ZCWPW2: variants seen among roughly 807,000 people sequenced by gnomAD.
The protein encoded by ZCWPW2 is zinc finger CW-type and PWWP domain containing 2, also known as zinc finger CW-type PWWP domain protein 2.
A neutral mutation model predicts 46.6 loss-of-function variants in ZCWPW2; 45 were observed. The observed-to-expected ratio is 0.96, with a 90% CI of 0.76 to 1.24. The LOEUF is 1.24. ZCWPW2 is among the 50% of genes most tolerant of loss of function. ZCWPW2 has a pLI of 0.00. For synonymous variants in ZCWPW2, 152 were observed against 137.1 expected (o/e 1.11, Z -0.76); for missense variants, 429 against 403.9 (o/e 1.06, Z -0.53).
chr3:28,412,321 T>C (rs908456624), intron 2 of ZCWPW2, among the ~76,000 whole-genome samples: 1 of 151,890 alleles, frequency 6.6e-6, no homozygotes, highest in Non-Finnish European at 1.5e-5. Context: ...ACAAAAAAGC[T>C]CTGAGAAATT....
chr3:28,523,575 T>A (rs1700777987), intron 9 of ZCWPW2, among the ~76,000 whole-genome samples: 1 of 152,130 alleles, frequency 6.6e-6, no homozygotes, highest in African/African-American at 2.4e-5. Context: ...GAGCAGATAT[T>A]GTATAAGCTG....
Position 28,470,120 on chromosome 3 carries a change from G to T in ZCWPW2, c.493-8694G>T, listed in dbSNP as rs188808586. On this transcript the variant is annotated intron_variant, in intron 4 of 9. Transcript: ENST00000383768. ...CAATAAAACTAGAAATAAATAACAA[G>T]AAGAGTTTTGGAAACTATATAAACA... Among the ~76,000 whole-genome samples, 382 of 152,236 alleles carry T rather than the reference G, an allele frequency of 2.5e-3. 1 individual carries two copies. Among genetic ancestry groups the T allele is most frequent in the Admixed American group, 4.3e-3 (65 of 15,292 alleles).
chr3:28,487,609 G>A (rs1699648794), intron 5 of ZCWPW2, among the ~76,000 whole-genome samples: 1 of 152,006 alleles, frequency 6.6e-6, no homozygotes. Context: ...TCTTGATCTG[G>A]TCCTGCTGCT....
intron 1 of ZCWPW2, among the ~76,000 whole-genome samples, chr3:28,352,126 GCA>G (rs111383620): frequency 0.054 from 6,965 of 129,546 alleles, 256 homozygotes; most frequent in African/African-American, 0.12. Context: ...TCAGATGTAT[GCA>G]CACACACACA....
At chr3:28,389,616 G>C (rs1252951830) in intron 1 of ZCWPW2, among the ~76,000 whole-genome samples, 2 of 152,122 alleles carry the variant, frequency 1.3e-5, no homozygotes. Flanking sequence ...ACCAATTTAG[G>C]AAACGCATCC....
intron 2 of ZCWPW2, among the ~76,000 whole-genome samples, chr3:28,411,495 C>CA (rs1204909503): frequency 6.6e-6 from 1 of 151,946 alleles, no homozygotes; most frequent in African/African-American, 2.4e-5. Context: ...ATCATGGCTT[C>CA]TAGTCAATGT....
At chr3:28,367,340 T>C (rs202161516) in intron 1 of ZCWPW2, among the ~76,000 whole-genome samples, 3 of 152,236 alleles carry the variant, frequency 2.0e-5, no homozygotes, top group South Asian at 2.1e-4. Context: ...TTCTGGTATG[T>C]TGTGTCTTTG....
At chr3:28,396,310 A>T (rs974026849) in intron 2 of ZCWPW2, among the ~76,000 whole-genome samples, 1 of 152,196 alleles carries the variant, frequency 6.6e-6, no homozygotes, top group African/African-American at 2.4e-5. Flanking sequence ...CTAAAATATT[A>T]CAAAAATTTA....
intron 6 of ZCWPW2, among the ~76,000 whole-genome samples, chr3:28,502,593 T>G: frequency 6.6e-6 from 1 of 152,040 alleles, no homozygotes; most frequent in East Asian, 1.9e-4. Flanking sequence ...TTTTCTCCCC[T>G]GGAGAGAAAA....
At chr3:28,432,377 T>A (rs758885461) in intron 3 of ZCWPW2, among the ~76,000 whole-genome samples, 1 of 152,160 alleles carries the variant, frequency 6.6e-6, no homozygotes, top group East Asian at 1.9e-4. Context: ...TAAATGGGAC[T>A]TTACAGTGCT....
intron 6 of ZCWPW2, among the ~76,000 whole-genome samples, chr3:28,499,276 C>T (rs1037998920): frequency 1.7e-4 from 26 of 152,182 alleles, no homozygotes; most frequent in Admixed American, 1.7e-3. Context: ...AGTGTAAAAG[C>T]GTTCCTATTT....
At chr3:28,373,847 G>A (rs1705419486) in intron 1 of ZCWPW2, among the ~76,000 whole-genome samples, 1 of 151,958 alleles carries the variant, frequency 6.6e-6, no homozygotes, top group South Asian at 2.1e-4. Context: ...GTTTGTTTTT[G>A]TTTGTTTGTT....
At chr3:28,479,359 G>A (rs777554899) in intron 5 of ZCWPW2, among the ~76,000 whole-genome samples, 13 of 151,634 alleles carry the variant, frequency 8.6e-5, no homozygotes, top group Non-Finnish European at 1.6e-4. Context: ...GTTCAGGGCA[G>A]GAATAGAAGA....
At chr3:28,452,591 G>A (rs559886157) in intron 4 of ZCWPW2, among the ~76,000 whole-genome samples, 50 of 152,140 alleles carry the variant, frequency 3.3e-4, no homozygotes, top group South Asian at 1.0e-3. Context: ...ACTGTGCCTG[G>A]CCACCTTATC....
At chr3:28,485,992 T>C (rs931916542) in intron 5 of ZCWPW2, among the ~76,000 whole-genome samples, 7 of 152,146 alleles carry the variant, frequency 4.6e-5, no homozygotes, top group Non-Finnish European at 8.8e-5. Flanking sequence ...CCTTTTTCTT[T>C]GTTACTGTTT....
intron 1 of ZCWPW2, among the ~76,000 whole-genome samples, chr3:28,364,224 C>T (rs927365985): frequency 1.3e-5 from 2 of 152,164 alleles, no homozygotes; most frequent in African/African-American, 4.8e-5. Context: ...TTGGCATTAT[C>T]TATTATGTAT....
At chr3:28,460,643 T>C (rs1698594616) in intron 4 of ZCWPW2, among the ~76,000 whole-genome samples, 1 of 152,210 alleles carries the variant, frequency 6.6e-6, no homozygotes, top group Non-Finnish European at 1.5e-5. Flanking sequence ...AGGAATGTTC[T>C]TACTGTCTGG....
chr3:28,436,314 C>CTTTTTTTT (rs896044426), intron 4 of ZCWPW2, among the ~76,000 whole-genome samples: 1 of 101,424 alleles, frequency 9.9e-6, no homozygotes, highest in African/African-American at 4.6e-5. Context: ...TGAATATTTT[C>CTTTTTTTT]TTTTTTTTCT....
At chr3:28,442,209 A>C (rs1697789460) in intron 4 of ZCWPW2, among the ~76,000 whole-genome samples, 2 of 152,228 alleles carry the variant, frequency 1.3e-5, no homozygotes, top group Admixed American at 1.3e-4. Context: ...TAAACCCATT[A>C]GGCATTGTGC....
Sources: allele counts gnomAD v4.1 joint callset (sites outside exome capture counted in the v4.1 genomes callset), GRCh38; gene constraint gnomAD v4.1.1; transcripts MANE v1.5; gene names NCBI Gene and HGNC (gene_info 2026-07-23, HGNC 2026-07-21).